NEGR1: variants seen among roughly 807,000 people sequenced by gnomAD.
NEGR1 encodes IgLON family member 4.
NEGR1 carries 10 observed loss-of-function variants against 40.9 expected under a neutral mutation model. That is an observed-to-expected ratio of 0.24 (90% confidence interval 0.15 to 0.42). The LOEUF is 0.42. Ranked by LOEUF, NEGR1 falls within the 10% of genes least tolerant of loss-of-function variation. The pLI is 1.00. For missense variants in NEGR1, 352 were observed against 438.9 expected, an observed-to-expected ratio of 0.80 and a Z score of 1.77; for synonymous variants, 185 against 166.8, an observed-to-expected ratio of 1.11 and a Z score of -0.84.
chr1:71,974,728 T>G (rs1646286815), intron 1 of NEGR1, among the ~76,000 whole-genome samples: 1 of 152,182 alleles, frequency 6.6e-6, no homozygotes, highest in Non-Finnish European at 1.5e-5. Context: ...AATGCCTACA[T>G]CTGAATTCAT....
At chr1:71,985,012 T>C (rs1356611956) in intron 1 of NEGR1, among the ~76,000 whole-genome samples, 1 of 152,156 alleles carries the variant, frequency 6.6e-6, no homozygotes, top group Non-Finnish European at 1.5e-5. Flanking sequence ...ATGAGGAACT[T>C]GAGGCAAAAA....
intron 6 of NEGR1, among the ~76,000 whole-genome samples, chr1:71,560,460 T>TATATATA (rs1198448626): frequency 9.8e-5 from 14 of 143,156 alleles, no homozygotes; most frequent in East Asian, 2.2e-4. Flanking sequence ...TATATATATA[T>TATATATA]TTCCAATTAA....
At chr1:72,054,170 C>T (rs537424465) in intron 1 of NEGR1, among the ~76,000 whole-genome samples, 10 of 151,440 alleles carry the variant, frequency 6.6e-5, no homozygotes, top group African/African-American at 1.9e-4. Flanking sequence ...AATGTCTTTT[C>T]CACCCTAGTG....
intron 2 of NEGR1, among the ~76,000 whole-genome samples, chr1:71,932,143 G>A (rs1461331779): frequency 6.6e-6 from 1 of 152,072 alleles, no homozygotes; most frequent in African/African-American, 2.4e-5. Flanking sequence ...ATGTACTTGT[G>A]GAGTAAGTAG....
chr1:72,217,380 A>G (rs940392307), intron 1 of NEGR1, among the ~76,000 whole-genome samples: 4 of 151,896 alleles, frequency 2.6e-5, no homozygotes, highest in Non-Finnish European at 5.9e-5. Flanking sequence ...TAATATATCA[A>G]TGTTAAACAA....
chr1:71,444,338 T>C (rs1646566749), intron 6 of NEGR1, among the ~76,000 whole-genome samples: 1 of 152,170 alleles, frequency 6.6e-6, no homozygotes, highest in Admixed American at 6.5e-5. Context: ...AAATGCACTT[T>C]TAGATAATAC....
At chr1:71,804,453 T>C (rs935384403) in intron 2 of NEGR1, among the ~76,000 whole-genome samples, 2 of 152,290 alleles carry the variant, frequency 1.3e-5, no homozygotes, top group East Asian at 3.9e-4. Context: ...GGAATCACAG[T>C]GTTGTGGGAA....
intron 2 of NEGR1, among the ~76,000 whole-genome samples, chr1:71,852,202 C>T (rs1481445268): frequency 6.6e-6 from 1 of 152,076 alleles, no homozygotes; most frequent in Admixed American, 6.6e-5. Flanking sequence ...AGAGATTGCA[C>T]TGGAGACAGA....
At position 71,400,390 on chromosome 1, in the gene NEGR1, CT is replaced by C. The variant is rs1441686199; in HGVS notation, c.*7055del. ...CTCAACTGTTACTTCATTTTTCTTA[CT>C]GTTTTTGATATAAAATTCCTGTTAT... On this transcript the variant is annotated 3_prime_UTR_variant, in exon 7 of 7. Transcript: ENST00000357731. The C allele has an allele frequency of 1.3e-5, 2 of 151,796 alleles. No homozygotes were observed. Among genetic ancestry groups the C allele is most frequent in the African/African-American group, 2.4e-5 (1 of 41,328 alleles). 9.4% of individuals were successfully genotyped at this position (151,796 alleles called of 1,614,324 possible).
At chr1:71,787,429 G>A (rs1232050617) in intron 2 of NEGR1, among the ~76,000 whole-genome samples, 1 of 152,128 alleles carries the variant, frequency 6.6e-6, no homozygotes, top group Middle Eastern at 3.2e-3. Flanking sequence ...TCAGGACAAA[G>A]TATACATACA....
At chr1:72,128,547 T>C (rs1030249455) in intron 1 of NEGR1, among the ~76,000 whole-genome samples, 1 of 152,206 alleles carries the variant, frequency 6.6e-6, no homozygotes, top group Non-Finnish European at 1.5e-5. Flanking sequence ...ATGGTAGTTA[T>C]ATAAAAATGA....
At chr1:71,571,318 T>C (rs576199916) in intron 6 of NEGR1, among the ~76,000 whole-genome samples, 89 of 152,368 alleles carry the variant, frequency 5.8e-4, no homozygotes, top group Non-Finnish European at 9.8e-4. Context: ...TACAGGACTA[T>C]TCTCATAATT....
intron 1 of NEGR1, among the ~76,000 whole-genome samples, chr1:72,034,115 A>T (rs1646882370): frequency 6.6e-6 from 1 of 152,246 alleles, no homozygotes; most frequent in African/African-American, 2.4e-5. Context: ...GCCATGTAGC[A>T]CAATCAACTT....
At chr1:72,079,878 T>G (rs928319501) in intron 1 of NEGR1, among the ~76,000 whole-genome samples, 1 of 152,066 alleles carries the variant, frequency 6.6e-6, no homozygotes. Flanking sequence ...ATTAAAAAAT[T>G]TGGAGATCAC....
chr1:72,077,827 AAG>A (rs1325796871), intron 1 of NEGR1, among the ~76,000 whole-genome samples: 3 of 152,142 alleles, frequency 2.0e-5, no homozygotes, highest in East Asian at 3.9e-4. Flanking sequence ...AAAAAAGAAA[AAG>A]GGGATGAAAA....
At chr1:71,762,405 G>A (rs538938424) in intron 3 of NEGR1, among the ~76,000 whole-genome samples, 84 of 152,096 alleles carry the variant, frequency 5.5e-4, no homozygotes, top group Non-Finnish European at 1.1e-3. Context: ...TGCATATGTT[G>A]TATCAACTAT....
At chr1:71,689,821 ATAAT>A (rs1653191127) in intron 4 of NEGR1, among the ~76,000 whole-genome samples, 1 of 151,102 alleles carries the variant, frequency 6.6e-6, no homozygotes, top group Non-Finnish European at 1.5e-5. Context: ...TATAATAAAT[ATAAT>A]TAAATAAATG....
intron 1 of NEGR1, among the ~76,000 whole-genome samples, chr1:72,161,838 G>A (rs1015965669): frequency 2.0e-5 from 3 of 151,274 alleles, no homozygotes; most frequent in South Asian, 2.1e-4. Flanking sequence ...CAGCATGCCT[G>A]GCTAATTTTT....
chr1:72,220,672 G>A (rs1653983666), intron 1 of NEGR1, among the ~76,000 whole-genome samples: 1 of 151,864 alleles, frequency 6.6e-6, no homozygotes, highest in Non-Finnish European at 1.5e-5. Flanking sequence ...ACAGAATTAA[G>A]ATATTCAGAA....
Sources: gnomAD v4.1 joint callset for allele counts (sites outside exome capture counted in the v4.1 genomes callset) on GRCh38, gnomAD v4.1.1 for gene constraint, MANE v1.5 for transcripts, NCBI Gene and HGNC (gene_info 2026-07-23, HGNC 2026-07-21) for gene names.